RBFOX1: variants seen among roughly 807,000 people sequenced by gnomAD.
The protein encoded by RBFOX1 is RNA binding fox-1 homolog 1, also known as RNA binding protein fox-1 homolog 1.
RBFOX1 carries 8 observed loss-of-function variants against 57.7 expected under a neutral mutation model. The observed-to-expected ratio is 0.14, with a 90% CI of 0.08 to 0.25. The LOEUF is 0.25. Ranked by LOEUF, RBFOX1 falls within the 10% of genes least tolerant of loss-of-function variation. The pLI is 1.00. For synonymous variants in RBFOX1, 326 were observed against 222.4 expected, an observed-to-expected ratio of 1.47 and a Z score of -4.15; for missense variants, 611 against 548.5, an observed-to-expected ratio of 1.11 and a Z score of -1.14.
chr16:7,340,491 C>G (rs953088015), intron 4 of RBFOX1, among the ~76,000 whole-genome samples: 2 of 152,194 alleles, frequency 1.3e-5, no homozygotes, highest in African/African-American at 4.8e-5. Context: ...GTCATGTCTT[C>G]CACTCGTGTA....
At chr16:6,970,620 C>G (rs569303528) in intron 3 of RBFOX1, among the ~76,000 whole-genome samples, 2 of 152,292 alleles carry the variant, frequency 1.3e-5, no homozygotes, top group South Asian at 2.1e-4. Flanking sequence ...CCTCCTGCCT[C>G]TTTTGGAAGG....
At chr16:6,033,298 G>A (rs1387753349) in intron 1 of RBFOX1, among the ~76,000 whole-genome samples, 1 of 152,154 alleles carries the variant, frequency 6.6e-6, no homozygotes, top group Non-Finnish European at 1.5e-5. Flanking sequence ...ATGTTACAGG[G>A]CATATTTGAT....
intron 2 of RBFOX1, among the ~76,000 whole-genome samples, chr16:6,503,394 C>G (rs998654208): frequency 1.3e-5 from 2 of 152,132 alleles, no homozygotes; most frequent in African/African-American, 4.8e-5. Flanking sequence ...TGGTAACAAA[C>G]AATTCCAATA....
intron 3 of RBFOX1, among the ~76,000 whole-genome samples, chr16:5,795,163 G>A (rs543215561): frequency 2.6e-5 from 4 of 152,182 alleles, no homozygotes; most frequent in Non-Finnish European, 5.9e-5. Flanking sequence ...AACACCTCAC[G>A]AAAGGCCTAA....
At chr16:7,376,384 G>A (rs1264786861) in intron 4 of RBFOX1, among the ~76,000 whole-genome samples, 3 of 152,112 alleles carry the variant, frequency 2.0e-5, no homozygotes, top group East Asian at 3.9e-4. Flanking sequence ...CATCGCCTTT[G>A]AGGTGATCCA....
intron 3 of RBFOX1, among the ~76,000 whole-genome samples, chr16:6,839,194 A>G (rs1487034009): frequency 6.7e-6 from 1 of 150,230 alleles, no homozygotes; most frequent in African/African-American, 2.4e-5. Flanking sequence ...CATGTTGGCC[A>G]GGCTGTTCTC....
intron 4 of RBFOX1, among the ~76,000 whole-genome samples, chr16:5,928,995 A>G (rs1285818403): frequency 1.3e-5 from 2 of 151,432 alleles, no homozygotes; most frequent in East Asian, 1.9e-4. Context: ...GCTGGTCCCT[A>G]AGGCCACTTT....
chr16:7,428,764 C>G (rs559853204), intron 4 of RBFOX1, among the ~76,000 whole-genome samples: 1 of 151,866 alleles, frequency 6.6e-6, no homozygotes, highest in Non-Finnish European at 1.5e-5. Flanking sequence ...ATTTTTCTTT[C>G]TTTCTCTTTT....
intron 3 of RBFOX1, among the ~76,000 whole-genome samples, chr16:5,727,035 G>T (rs1216892576): frequency 1.3e-5 from 2 of 152,190 alleles, no homozygotes; most frequent in Non-Finnish European, 2.9e-5. Flanking sequence ...GGGGCGGGTG[G>T]ATTACTTGAG....
chr16:7,053,938 A>C (rs1345459934), intron 4 of RBFOX1, among the ~76,000 whole-genome samples: 2 of 152,072 alleles, frequency 1.3e-5, no homozygotes, highest in Non-Finnish European at 2.9e-5. Context: ...TATAGGGTTC[A>C]AAATTTAAAT....
intron 1 of RBFOX1, among the ~76,000 whole-genome samples, chr16:6,178,427 C>A (rs997365709): frequency 3.3e-4 from 50 of 152,060 alleles, no homozygotes; most frequent in Admixed American, 2.0e-3. Context: ...TCGTGATCTG[C>A]CCACCTCAGC....
At chr16:6,115,732 T>G (rs1405381967) in intron 1 of RBFOX1, among the ~76,000 whole-genome samples, 3 of 152,202 alleles carry the variant, frequency 2.0e-5, no homozygotes, top group African/African-American at 7.2e-5. Flanking sequence ...GAAGTTTATT[T>G]ACCAAGCTAC....
At chr16:6,394,469 C>T (rs2092735489) in intron 2 of RBFOX1, among the ~76,000 whole-genome samples, 1 of 151,090 alleles carries the variant, frequency 6.6e-6, no homozygotes, top group Non-Finnish European at 1.5e-5. Flanking sequence ...TTGCAAAGAA[C>T]CTTAAATTTA....
intron 3 of RBFOX1, among the ~76,000 whole-genome samples, chr16:5,741,985 C>T: frequency 6.6e-6 from 1 of 152,172 alleles, no homozygotes; most frequent in Non-Finnish European, 1.5e-5. Flanking sequence ...CTCCTCTCTT[C>T]TCAGTCTTTT....
At chr16:5,394,914 C>T (rs1434038707) in intron 1 of RBFOX1, among the ~76,000 whole-genome samples, 2 of 152,056 alleles carry the variant, frequency 1.3e-5, no homozygotes, top group African/African-American at 2.4e-5. Flanking sequence ...GTGGTAACAT[C>T]CTCACTGGCC....
chr16:7,174,004 G>C (rs2081203163), intron 4 of RBFOX1, among the ~76,000 whole-genome samples: 1 of 152,160 alleles, frequency 6.6e-6, no homozygotes, highest in Non-Finnish European at 1.5e-5. Flanking sequence ...CAATCACAGT[G>C]AACTGGTTGG....
intron 1 of RBFOX1, among the ~76,000 whole-genome samples, chr16:5,371,289 C>A (rs1303013525): frequency 6.6e-6 from 1 of 152,050 alleles, no homozygotes; most frequent in Non-Finnish European, 1.5e-5. Flanking sequence ...AAAATGAGGC[C>A]CTTAAGAAGG....
intron 1 of RBFOX1, among the ~76,000 whole-genome samples, chr16:5,366,924 C>G (rs1392131080): frequency 6.6e-6 from 1 of 152,040 alleles, no homozygotes; most frequent in Non-Finnish European, 1.5e-5. Flanking sequence ...TATGACAGGA[C>G]ATAGTAATAG....
chr16:7,032,072 C>G (rs968876003), intron 3 of RBFOX1, among the ~76,000 whole-genome samples: 1 of 152,134 alleles, frequency 6.6e-6, no homozygotes, highest in African/African-American at 2.4e-5. Context: ...CTGCCAGCAA[C>G]TTTCGGATGG....
Sources: allele counts gnomAD v4.1 joint callset (sites outside exome capture counted in the v4.1 genomes callset), GRCh38; gene constraint gnomAD v4.1.1; transcripts MANE v1.5; gene names NCBI Gene and HGNC (gene_info 2026-07-23, HGNC 2026-07-21).